Variants in DHX8 observed in about 807,000 individuals in gnomAD.
The protein encoded by DHX8 is DEAH-box helicase 8.
Under a neutral mutation model 140.7 loss-of-function variants are expected in DHX8, and 67 were observed. The ratio of observed to expected loss-of-function variants is 0.48; its 90% CI spans 0.39 to 0.58. The LOEUF is 0.58. DHX8 is among the 20% of genes least tolerant of loss of function. The pLI, the probability that DHX8 is intolerant of heterozygous loss-of-function variation, is 0.00. For synonymous variants in DHX8, 533 were observed against 553.2 expected (o/e 0.96, Z 0.51); for missense variants, 887 against 1,550.7 (o/e 0.57, Z 7.19).
chr17:43,523,992 G>A lies in DHX8; in HGVS notation c.*145G>A. On this transcript the variant is annotated 3_prime_UTR_variant, in exon 23 of 23. Coordinates refer to ENST00000262415, the MANE Select transcript of DHX8 (RefSeq NM_004941.3). ...TCAACTCGACTCTCATTTCTTCCCT[G>A]CTGGTAAAATAGAAACAGGGATTTA... 1 of 1,447,908 alleles carries A rather than the reference G, an allele frequency of 6.9e-7. No individual in the cohort carries two copies. The highest frequency in any genetic ancestry group is 9.1e-7 in the Non-Finnish European group (1 of 1,104,462). The allele number at this position is 1,447,908 out of a possible 1,614,324, so 89.7% of individuals were successfully genotyped here.
At chr17:43,489,802 G>A (rs1053292426) in intron 2 of DHX8, among the ~76,000 whole-genome samples, 8 of 152,096 alleles carry the variant, frequency 5.3e-5, no homozygotes, top group Non-Finnish European at 1.0e-4. Flanking sequence ...GTGTTAGCCA[G>A]GATGGTCTCG....
At chr17:43,488,903 A>T (rs73987512) in intron 1 of DHX8, among the ~76,000 whole-genome samples, 1 of 152,270 alleles carries the variant, frequency 6.6e-6, no homozygotes, top group African/African-American at 2.4e-5. Context: ...GGCTACATTG[A>T]GCCATTTTGT....
chr17:43,543,198 G>A (rs867100422), intron 3 of DHX8, among the ~76,000 whole-genome samples: 10 of 118,506 alleles, frequency 8.4e-5, no homozygotes, highest in Admixed American at 2.9e-4. Flanking sequence ...CCTCACCTCC[G>A]CCTTGCAATC....
chr17:43,532,715 AC>A (rs749956783), intron 2 of DHX8: 3 of 1,607,674 alleles, frequency 1.9e-6, no homozygotes, highest in Non-Finnish European at 2.6e-6. Flanking sequence ...TTTGATCACC[AC>A]CCCCGCCCCT....
chr17:43,537,867 G>A (rs565707074), intron 3 of DHX8, among the ~76,000 whole-genome samples: 2 of 152,246 alleles, frequency 1.3e-5, no homozygotes, highest in Admixed American at 6.5e-5. Flanking sequence ...GGTGGCTCAC[G>A]CCTGTAATCC....
chr17:43,510,878 A>G (rs181859574), intron 16 of DHX8, among the ~76,000 whole-genome samples: 75 of 152,302 alleles, frequency 4.9e-4, no homozygotes, highest in Admixed American at 3.6e-3. Context: ...ATGAAATCAC[A>G]TATTTGTGGC....
At position 43,513,556 on chromosome 17, in the gene DHX8, G is replaced by A. The variant is rs924222454; in HGVS notation, c.2643+54G>A. ...TGATAATCCTGATTAGGGCCTTTCT[G>A]AAACTTTTTTATGGTTATATATTTC... is the stretch of plus-strand genomic sequence containing the variant. On this transcript the variant is annotated intron_variant, in intron 17 of 22. Transcript: ENST00000262415. 12 of 1,576,652 alleles carry A rather than the reference G, an allele frequency of 7.6e-6. No homozygotes were observed. In the African/African-American group the frequency reaches 1.5e-4, roughly 20 times the overall value.
At chr17:43,526,095 CA>C (rs1242323583), downstream of DHX8, 1 of 985,234 alleles carries the variant, frequency 1.0e-6, no homozygotes, top group Non-Finnish European at 1.2e-6. Context: ...ATCAGGAAAG[CA>C]ATGTCAGCAG....
chr17:43,520,009 C>A, intron 18 of DHX8, 121 bp from the exon 19 acceptor site: 1 of 1,094,998 alleles, frequency 9.1e-7, no homozygotes, highest in Non-Finnish European at 1.4e-6. Context: ...CCGCCAGTCT[C>A]ACCGGTGGCT....
chr17:43,511,571 C>T (rs1426175706), intron 16 of DHX8, among the ~76,000 whole-genome samples: 1 of 146,022 alleles, frequency 6.8e-6, no homozygotes, highest in Non-Finnish European at 1.5e-5. Context: ...GATTCTTCTG[C>T]CTCAGCCTCC....
downstream of DHX8, chr17:43,525,965 G>C (rs1035682642): frequency 1.3e-5 from 13 of 985,298 alleles, no homozygotes; most frequent in Admixed American, 6.2e-5. Context: ...ATCTTTTCTG[G>C]CTCAGGTGGA....
rs774046464 is a variant in DHX8 at position 43,492,887 on chromosome 17, A to C, written c.710A>C (p.Asp237Ala). 1 of 1,614,232 alleles carries C rather than the reference A, an allele frequency of 6.2e-7. No individual in the cohort carries two copies. The highest frequency in any genetic ancestry group is 8.5e-7 in the Non-Finnish European group (1 of 1,180,048). ...RSQSPPKDRK[D>A]RDKYGERNLD... ...CAGAGTCCCCCCAAAGACCGGAAGG[A>C]CCGGGACAAATATGGAGAGCGGAAT... Residue 237 changes from aspartate (D) to alanine (A), a missense_variant, in exon 6 of 23, where the codon GAC becomes GCC. Physicochemically the swap from Asp to Ala is moderately radical, Grantham distance 126. Transcript: ENST00000262415.
chr17:43,508,206 T>C, intron 15 of DHX8, 133 bp from the exon 16 acceptor site: 1 of 1,258,796 alleles, frequency 7.9e-7, no homozygotes. Context: ...AACAAACTTG[T>C]ATTGTTTACT....
downstream of DHX8, chr17:43,526,703 G>A (rs569491920): frequency 1.7e-5 from 25 of 1,466,502 alleles, no homozygotes; most frequent in South Asian, 5.4e-5. Flanking sequence ...GTGTGTACTC[G>A]GCCTTCAGGG....
rs769491478 is a variant in DHX8, at chr17:43,523,884, A to G, written c.*37A>G. ...GTTCCTTTGCCTCTCCAGCAGCAGT[A>G]GCCAGGGCTTGGACTTATCGATGAC... On this transcript the variant is annotated 3_prime_UTR_variant, in exon 23 of 23. Coordinates refer to ENST00000262415, the MANE Select transcript of DHX8 (RefSeq NM_004941.3). 6.2e-7 allele frequency: 1 copy of G among 1,612,998 alleles called. No individual in the cohort carries two copies. Among genetic ancestry groups the G allele is most frequent in the Non-Finnish European group, 8.5e-7 (1 of 1,179,536 alleles).
chr17:43,497,180 T>C (rs1222889409), intron 9 of DHX8, among the ~76,000 whole-genome samples: 3 of 152,198 alleles, frequency 2.0e-5, no homozygotes, highest in African/African-American at 4.8e-5. Flanking sequence ...CTAAACATTA[T>C]ATTGTGTTGT....
chr17:43,515,938 A>G (rs958249291), intron 17 of DHX8, among the ~76,000 whole-genome samples: 1 of 152,058 alleles, frequency 6.6e-6, no homozygotes, highest in African/African-American at 2.4e-5. Flanking sequence ...TCAGATTGCT[A>G]TTCATTGTTT....
At chr17:43,526,138 G>T, downstream of DHX8, 1 of 985,362 alleles carries the variant, frequency 1.0e-6, no homozygotes, top group Non-Finnish European at 1.2e-6. Flanking sequence ...GGAGAAGGGG[G>T]GGGTCCTGTC....
intron 1 of DHX8, among the ~76,000 whole-genome samples, chr17:43,487,938 C>T (rs1968266475): frequency 6.6e-6 from 1 of 152,004 alleles, no homozygotes; most frequent in Middle Eastern, 3.2e-3. Context: ...GATCGTACCA[C>T]TGTACTCCAG....
Sources: gnomAD v4.1 joint callset for allele counts (sites outside exome capture counted in the v4.1 genomes callset) on GRCh38, gnomAD v4.1.1 for gene constraint, MANE v1.5 for transcripts, NCBI Gene and HGNC (gene_info 2026-07-23, HGNC 2026-07-21) for gene names.